Variants in PLEKHG1 observed in about 807,000 individuals in gnomAD.
The protein encoded by PLEKHG1 is pleckstrin homology and RhoGEF domain containing G1.
PLEKHG1 carries 44 observed loss-of-function variants against 100.8 expected under a neutral mutation model. The ratio of observed to expected loss-of-function variants is 0.44; its 90% CI spans 0.34 to 0.56. PLEKHG1 has a LOEUF of 0.56. Ranked by LOEUF, PLEKHG1 falls within the 20% of genes least tolerant of loss-of-function variation. The pLI, the probability that PLEKHG1 is intolerant of heterozygous loss-of-function variation, is 0.01. For missense variants in PLEKHG1, 1,545 were observed against 1,720.9 expected (o/e 0.90, Z 1.81); for synonymous variants, 640 against 662.5 (o/e 0.97, Z 0.52).
intron 1 of PLEKHG1, among the ~76,000 whole-genome samples, chr6:150,608,727 A>G (rs1252308515): frequency 1.3e-5 from 2 of 152,220 alleles, no homozygotes; most frequent in Non-Finnish European, 2.9e-5. Flanking sequence ...TTATGAAAAA[A>G]ACTGTGTGCA....
intron 2 of PLEKHG1, among the ~76,000 whole-genome samples, chr6:150,743,332 C>T (rs901198323): frequency 6.6e-6 from 1 of 152,038 alleles, no homozygotes; most frequent in African/African-American, 2.4e-5. Context: ...ACCAGCCTGA[C>T]CAGCATGGTG....
At chr6:150,602,820 T>G (rs941657693) in intron 1 of PLEKHG1, among the ~76,000 whole-genome samples, 1 of 152,184 alleles carries the variant, frequency 6.6e-6, no homozygotes, top group African/African-American at 2.4e-5. Flanking sequence ...GTTGGTTGCA[T>G]GGAGACATAT....
intron 3 of PLEKHG1, among the ~76,000 whole-genome samples, chr6:150,692,054 TC>T (rs1290914138): frequency 3.3e-5 from 5 of 152,236 alleles, no homozygotes; most frequent in Non-Finnish European, 7.3e-5. Flanking sequence ...TGGTTAGGCA[TC>T]TGTCAATCCC....
At position 150,831,266 on chromosome 6, in the gene PLEKHG1, G is replaced by A; in HGVS notation, c.2155G>A (p.Gly719Ser). The A allele has an allele frequency of 6.2e-7, 1 of 1,614,100 alleles. No homozygotes were observed. The highest frequency in any genetic ancestry group is 8.5e-7 in the Non-Finnish European group (1 of 1,180,010). ...GGGCTCTCTTTACGCACAAACAGATGGCACCCTCTCAGGTGGAGAGGCATC... is the reference window on the plus strand; with the variant it reads ...GGGCTCTCTTTACGCACAAACAGATAGCACCCTCTCAGGTGGAGAGGCATC... The change falls in exon 15 of 16, where the codon GGC becomes AGC. Residue 719 changes from glycine (G) to serine (S), a missense_variant. By Grantham distance (56) the Gly-to-Ser change is moderately conservative. Coordinates refer to ENST00000358517, the Ensembl canonical transcript of PLEKHG1. The surrounding 1 kb of genome is among the most constrained non-coding windows in gnomAD (Gnocchi z 4.1).
chr6:150,804,650 A>G, exon 7 of PLEKHG1: 10 of 1,613,140 alleles, frequency 6.2e-6, no homozygotes, highest in Non-Finnish European at 8.5e-6. Flanking sequence ...GAAGGCTATG[A>G]TGTGGTGCTT....
chr6:150,758,283 C>G (rs981837845), intron 2 of PLEKHG1, among the ~76,000 whole-genome samples: 2 of 151,784 alleles, frequency 1.3e-5, no homozygotes, highest in Non-Finnish European at 2.9e-5. Context: ...ATCCCACCAA[C>G]AGTGGAAAAG....
intron 3 of PLEKHG1, among the ~76,000 whole-genome samples, chr6:150,714,465 G>A (rs571594375): frequency 6.6e-6 from 1 of 152,310 alleles, no homozygotes; most frequent in African/African-American, 2.4e-5. Flanking sequence ...CTCAGTTCAT[G>A]TCATGGCCGA....
Position 150,639,609 on chromosome 6 carries a change from C to T in PLEKHG1, c.-158+1484C>T, listed in dbSNP as rs78646261. Among the ~76,000 whole-genome samples, 108 of 151,696 alleles carry T rather than the reference C, an allele frequency of 7.1e-4. 1 individual carries two copies. Among genetic ancestry groups the T allele is most frequent in the African/African-American group, 2.5e-3 (105 of 41,274 alleles). ...TATTTCAATGAGACAATGAAGCAGG[C>T]AGGTGAGTGGGAACCGATGACCAAG... is the stretch of plus-strand genomic sequence containing the variant. On this transcript the variant is annotated intron_variant, in intron 2 of 3. Transcript: ENST00000367326.
chr6:150,681,925 C>G (rs758470904), intron 3 of PLEKHG1, among the ~76,000 whole-genome samples: 9 of 152,168 alleles, frequency 5.9e-5, no homozygotes, highest in Admixed American at 1.3e-4. Context: ...AAAGCTAAAC[C>G]CCACTCTGCA....
chr6:150,719,713 T>C (rs1292053449), upstream of PLEKHG1, among the ~76,000 whole-genome samples: 1 of 152,202 alleles, frequency 6.6e-6, no homozygotes, highest in African/African-American at 2.4e-5. Flanking sequence ...ACAGACATGA[T>C]GTGGGAAGCC....
intron 2 of PLEKHG1, among the ~76,000 whole-genome samples, chr6:150,649,106 A>G (rs1778611116): frequency 6.6e-6 from 1 of 152,186 alleles, no homozygotes; most frequent in Non-Finnish European, 1.5e-5. Context: ...AACTGAGCTT[A>G]AACATTTAAT....
At chr6:150,745,537 G>T (rs577251288) in intron 2 of PLEKHG1, among the ~76,000 whole-genome samples, 1 of 152,186 alleles carries the variant, frequency 6.6e-6, no homozygotes, top group East Asian at 1.9e-4. Context: ...ACAAAAATTA[G>T]CTGGGTGTGG....
intron 2 of PLEKHG1, among the ~76,000 whole-genome samples, chr6:150,752,172 C>T (rs899347596): frequency 6.6e-6 from 1 of 151,866 alleles, no homozygotes; most frequent in Non-Finnish European, 1.5e-5. Flanking sequence ...GGCGACAGAG[C>T]GAGACTCTGT....
At chr6:150,802,177 A>G (rs1014828007) in intron 6 of PLEKHG1, among the ~76,000 whole-genome samples, 2 of 152,128 alleles carry the variant, frequency 1.3e-5, no homozygotes, top group Admixed American at 6.6e-5. Context: ...GCAATTTCTT[A>G]GCTTTGTCTG....
At chr6:150,673,827 A>C (rs1779651756) in intron 3 of PLEKHG1, among the ~76,000 whole-genome samples, 1 of 152,002 alleles carries the variant, frequency 6.6e-6, no homozygotes, top group Admixed American at 6.6e-5. Context: ...TGCCTGGCTA[A>C]ATTTTTTTGT....
chr6:150,638,414 A>G (rs1778109158), intron 2 of PLEKHG1, among the ~76,000 whole-genome samples: 1 of 152,136 alleles, frequency 6.6e-6, no homozygotes, highest in African/African-American at 2.4e-5. Flanking sequence ...AAGGTTCTGG[A>G]ACACCACCCC....
At chr6:150,628,576 A>ACACACACACACACCC (rs1317085737) in intron 1 of PLEKHG1, among the ~76,000 whole-genome samples, 1 of 108,096 alleles carries the variant, frequency 9.3e-6, no homozygotes, top group African/African-American at 3.4e-5. Context: ...ACACACACAC[A>ACACACACACACACCC]CCCCGTCCTT....
intron 1 of PLEKHG1, among the ~76,000 whole-genome samples, chr6:150,726,314 T>C (rs951826418): frequency 3.1e-4 from 47 of 152,196 alleles, no homozygotes; most frequent in African/African-American, 1.1e-3. Flanking sequence ...AGAAAACTTT[T>C]GGAGGTGATG....
At chr6:150,623,404 C>T (rs958928321) in intron 1 of PLEKHG1, among the ~76,000 whole-genome samples, 1 of 152,196 alleles carries the variant, frequency 6.6e-6, no homozygotes, top group Admixed American at 6.5e-5. Context: ...CGGGCAAGCA[C>T]ATCACGCAAA....
Sources: gnomAD v4.1 joint callset for allele counts (sites outside exome capture counted in the v4.1 genomes callset) on GRCh38, gnomAD v4.1.1 for gene constraint, Gnocchi (gnomAD v3.1) non-coding constraint, MANE v1.5 for transcripts, NCBI Gene and HGNC (gene_info 2026-07-23, HGNC 2026-07-21) for gene names.